SAMD5: variants seen among roughly 807,000 people sequenced by gnomAD.
SAMD5 encodes sterile alpha motif domain-containing protein 5.
A neutral mutation model predicts 11.3 loss-of-function variants in SAMD5; 13 were observed. The observed-to-expected ratio is 1.15, with a 90% CI of 0.75 to 1.83. SAMD5 has a LOEUF of 1.83. SAMD5 is among the 40% of genes most tolerant of loss of function. SAMD5 has a pLI of 0.00. For synonymous variants in SAMD5, 129 were observed against 111.3 expected (o/e 1.16, Z -1.00); for missense variants, 255 against 239.1 (o/e 1.07, Z -0.44).
At chr6:147,895,627 A>C in the SAMD5 span, among the ~76,000 whole-genome samples, 1 of 152,172 alleles carries the variant, frequency 6.6e-6, no homozygotes, top group Admixed American at 6.5e-5. Flanking sequence ...GAGTAATGAA[A>C]GGCTTGATTC....
the SAMD5 span, among the ~76,000 whole-genome samples, chr6:147,767,856 A>G: frequency 2.6e-5 from 4 of 152,368 alleles, no homozygotes; most frequent in Non-Finnish European, 5.9e-5. Context: ...TTACAATTGA[A>G]GGCTATTTTA....
At chr6:147,673,427 A>G (rs1280160738) in intron 1 of SAMD5, among the ~76,000 whole-genome samples, 1 of 152,038 alleles carries the variant, frequency 6.6e-6, no homozygotes. Context: ...GTTAGCCAGG[A>G]TGGTCTTGAT....
intron 1 of SAMD5, among the ~76,000 whole-genome samples, chr6:147,605,078 A>C (rs1443181781): frequency 6.6e-6 from 1 of 152,148 alleles, no homozygotes; most frequent in Non-Finnish European, 1.5e-5. Context: ...TTTCAGTACT[A>C]GTTCAATGTC....
At chr6:147,709,363 A>C (rs557837817) in intron 1 of SAMD5, among the ~76,000 whole-genome samples, 2 of 152,298 alleles carry the variant, frequency 1.3e-5, no homozygotes, top group African/African-American at 4.8e-5. Flanking sequence ...GTTCTTCCGA[A>C]GTCATAGCAG....
At chr6:147,830,251 C>CTTTTTTTTTTTTTTTTTT in the SAMD5 span, among the ~76,000 whole-genome samples, 14 of 84,932 alleles carry the variant, frequency 1.6e-4, no homozygotes, top group African/African-American at 4.7e-4. Context: ...TTCTTTCTTT[C>CTTTTTTTTTTTTTTTTTT]TTTTTTTTTT....
At chr6:147,678,683 A>T (rs993534675) in intron 1 of SAMD5, among the ~76,000 whole-genome samples, 1 of 152,230 alleles carries the variant, frequency 6.6e-6, no homozygotes, top group Non-Finnish European at 1.5e-5. Flanking sequence ...GCATAGAGAA[A>T]TAAGCCATAA....
chr6:147,848,219 C>T, the SAMD5 span, among the ~76,000 whole-genome samples: 52 of 152,210 alleles, frequency 3.4e-4, no homozygotes, highest in South Asian at 8.1e-3. Context: ...CTCGACAAAT[C>T]GCTGTACATT....
chr6:147,656,241 A>C (rs1370723149), intron 1 of SAMD5, among the ~76,000 whole-genome samples: 2 of 152,222 alleles, frequency 1.3e-5, no homozygotes, highest in Admixed American at 1.3e-4. Flanking sequence ...ACACGCTAGC[A>C]GAAAACATGA....
chr6:147,734,769 G>T (rs1791771303), intron 1 of SAMD5, among the ~76,000 whole-genome samples: 1 of 117,848 alleles, frequency 8.5e-6, no homozygotes, highest in South Asian at 3.0e-4. Flanking sequence ...CAAATATCTG[G>T]ATAATTAAAT....
chr6:147,837,302 A>C, the SAMD5 span, among the ~76,000 whole-genome samples: 3 of 152,174 alleles, frequency 2.0e-5, no homozygotes, highest in East Asian at 5.8e-4. Flanking sequence ...AGGATTGGGC[A>C]CACTCTAGTC....
chr6:147,535,219 A>C (rs920724050), intron 1 of SAMD5, among the ~76,000 whole-genome samples: 1 of 152,166 alleles, frequency 6.6e-6, no homozygotes, highest in Non-Finnish European at 1.5e-5. Flanking sequence ...GAAGCGTGTA[A>C]CCGCTTTGTA....
At chr6:147,878,916 A>G in the SAMD5 span, among the ~76,000 whole-genome samples, 1 of 151,966 alleles carries the variant, frequency 6.6e-6, no homozygotes, top group Non-Finnish European at 1.5e-5. Context: ...CACCATGACC[A>G]GCTAATTTTT....
intron 1 of SAMD5, among the ~76,000 whole-genome samples, chr6:147,615,523 C>G (rs1383685949): frequency 6.6e-6 from 1 of 151,880 alleles, no homozygotes; most frequent in African/African-American, 2.4e-5. Flanking sequence ...TTATTTACAT[C>G]AAAATTAATA....
chr6:147,626,790 TGA>T (rs1491295687), intron 1 of SAMD5, among the ~76,000 whole-genome samples: 3 of 18,968 alleles, frequency 1.6e-4, no homozygotes, highest in African/African-American at 1.9e-4. Context: ...ACTGTTTCTA[TGA>T]AAAAAAAAAA....
At chr6:147,613,436 G>T (rs1329856780) in intron 1 of SAMD5, among the ~76,000 whole-genome samples, 1 of 151,828 alleles carries the variant, frequency 6.6e-6, no homozygotes, top group Non-Finnish European at 1.5e-5. Flanking sequence ...ACTCACCGAG[G>T]CTCAGAGACA....
the SAMD5 span, among the ~76,000 whole-genome samples, chr6:147,801,163 T>C: frequency 1.5e-4 from 23 of 152,326 alleles, no homozygotes; most frequent in East Asian, 4.2e-3. Context: ...TTAATATGGT[T>C]CACACATCAC....
the SAMD5 span, among the ~76,000 whole-genome samples, chr6:147,908,329 C>G: frequency 6.6e-6 from 1 of 152,106 alleles, no homozygotes; most frequent in Non-Finnish European, 1.5e-5. Context: ...TCCAACGGAA[C>G]AGGAATGCAA....
chr6:147,724,019 A>G (rs1246974189), intron 1 of SAMD5, among the ~76,000 whole-genome samples: 2 of 152,246 alleles, frequency 1.3e-5, no homozygotes, highest in African/African-American at 4.8e-5. Flanking sequence ...ATTGAGCCAC[A>G]TTTATCCTCA....
the SAMD5 span, among the ~76,000 whole-genome samples, chr6:147,922,185 CTG>C: frequency 6.6e-6 from 1 of 152,162 alleles, no homozygotes; most frequent in Non-Finnish European, 1.5e-5. Flanking sequence ...ACTCGGGACA[CTG>C]TGCCAACATT....
Sources: gnomAD v4.1 joint callset for allele counts (sites outside exome capture counted in the v4.1 genomes callset) on GRCh38, gnomAD v4.1.1 for gene constraint, MANE v1.5 for transcripts, NCBI Gene and HGNC (gene_info 2026-07-23, HGNC 2026-07-21) for gene names.